The following UBE2H variants were observed in gnomAD, a reference collection of about 807,000 sequenced individuals.
The protein encoded by UBE2H is ubiquitin-conjugating enzyme E2 H.
In UBE2H, 3 loss-of-function variants were observed where a neutral mutation model predicts 29.0. The ratio of observed to expected loss-of-function variants is 0.10; its 90% CI spans 0.05 to 0.27. The LOEUF is 0.27. Among genes scored for constraint, UBE2H ranks in the 10% least tolerant of loss-of-function variants. The pLI is 1.00. For missense variants in UBE2H, 68 were observed against 228.2 expected (o/e 0.30, Z 4.52); for synonymous variants, 69 against 82.9 (o/e 0.83, Z 0.91).
chr7:129,867,724 C>CAAAAAAAAAA (rs1473451530), intron 3 of UBE2H, among the ~76,000 whole-genome samples: 28 of 31,188 alleles, frequency 9.0e-4, no homozygotes, highest in Middle Eastern at 0.02. Context: ...AAAAGAAAAC[C>CAAAAAAAAAA]AAAAAAAAAA....
chr7:129,848,255 A>G (rs1805546599), intron 5 of UBE2H, among the ~76,000 whole-genome samples: 1 of 152,164 alleles, frequency 6.6e-6, no homozygotes, highest in African/African-American at 2.4e-5. Flanking sequence ...ACACATCACT[A>G]TGTACCCCAT....
intron 1 of UBE2H, among the ~76,000 whole-genome samples, chr7:129,885,648 G>C (rs1424164441): frequency 6.6e-6 from 1 of 152,170 alleles, no homozygotes; most frequent in Non-Finnish European, 1.5e-5. Context: ...ATAAATTAAA[G>C]AGTTCTCATA....
intron 6 of UBE2H, among the ~76,000 whole-genome samples, chr7:129,837,141 T>C (rs1342649377): frequency 6.6e-6 from 1 of 152,126 alleles, no homozygotes; most frequent in Non-Finnish European, 1.5e-5. Flanking sequence ...GGGTTGGTGG[T>C]GACTGCCACA....
chr7:129,901,973 A>C (rs1215748711), intron 1 of UBE2H, among the ~76,000 whole-genome samples: 1 of 152,170 alleles, frequency 6.6e-6, no homozygotes, highest in Non-Finnish European at 1.5e-5. Flanking sequence ...GGGAGAGAGA[A>C]GAACAATGTG....
In UBE2H at chr7:129,831,942, A is replaced by G. The variant is rs1443070738; in HGVS notation, c.*2995T>C. 1 of 152,314 alleles carries G rather than the reference A, an allele frequency of 6.6e-6. No individual in the cohort carries two copies. The highest frequency in any genetic ancestry group is 1.9e-4 in the East Asian group (1 of 5,202). The allele number at this position is 152,314 out of a possible 1,614,324, so 9.4% of individuals were successfully genotyped here. On this transcript the variant is annotated 3_prime_UTR_variant, in exon 7 of 7. Transcript: ENST00000355621. ...GAGGATCCAAAAACTATGGGCACTA[A>G]AAAGGGGAGGGAAACCGCCAGAAGT...
intron 1 of UBE2H, chr7:129,948,848 T>C (rs184103008): frequency 3.4e-6 from 1 of 297,454 alleles, no homozygotes; most frequent in South Asian, 2.9e-5. Flanking sequence ...AGGTCAGGTT[T>C]TCCTCTTCTC....
chr7:129,952,462 GC>G (rs768756883), intron 1 of UBE2H, 40 bp downstream of exon 1: 11 of 1,603,008 alleles, frequency 6.9e-6, no homozygotes, highest in Middle Eastern at 1.7e-4. Flanking sequence ...TCCCCACACC[GC>G]CCCCCACACA....
chr7:129,912,076 T>C (rs980802322), intron 1 of UBE2H, among the ~76,000 whole-genome samples: 1 of 152,136 alleles, frequency 6.6e-6, no homozygotes, highest in African/African-American at 2.4e-5. Flanking sequence ...TGAGATAGAA[T>C]TTAAAATGTT....
chr7:129,901,959 G>A (rs893715996), intron 1 of UBE2H, among the ~76,000 whole-genome samples: 75 of 152,274 alleles, frequency 4.9e-4, no homozygotes, highest in Non-Finnish European at 9.8e-4. Context: ...TGGTGGGGGA[G>A]CGGGGGAGAG....
At chr7:129,851,415 T>TA (rs1805607494) in intron 5 of UBE2H, among the ~76,000 whole-genome samples, 1 of 152,228 alleles carries the variant, frequency 6.6e-6, no homozygotes, top group African/African-American at 2.4e-5. Context: ...GCTGTCATAC[T>TA]AAAACTCGCT....
Position 129,926,882 on chromosome 7 carries a change from G to A in UBE2H, c.53+25621C>T, listed in dbSNP as rs1228552753. Among the ~76,000 whole-genome samples the A allele has an allele frequency of 9.2e-5, 14 of 152,078 alleles. No homozygotes were observed. The East Asian group carries it at 9.6e-4, about 10-fold the overall frequency. On this transcript the variant is annotated intron_variant, in intron 1 of 6. Transcript: ENST00000355621. ...ACATAATCTTGGTCACAAACGCCAC[G>A]CTCTAGTACATACTAGTACATATGT...
At chr7:129,931,718 T>C (rs1275092684) in intron 1 of UBE2H, among the ~76,000 whole-genome samples, 1 of 152,178 alleles carries the variant, frequency 6.6e-6, no homozygotes, top group African/African-American at 2.4e-5. Flanking sequence ...CATTTTTTGT[T>C]GATATAATGC....
chr7:129,872,569 C>T (rs1212193750), intron 3 of UBE2H, among the ~76,000 whole-genome samples: 3 of 151,828 alleles, frequency 2.0e-5, no homozygotes, highest in Admixed American at 6.6e-5. Context: ...TGGCTGGGCG[C>T]GGTGGCTCAC....
At chr7:129,924,368 C>A (rs2116476908) in intron 1 of UBE2H, among the ~76,000 whole-genome samples, 1 of 152,252 alleles carries the variant, frequency 6.6e-6, no homozygotes, top group South Asian at 2.1e-4. Context: ...AAATATTTCA[C>A]TGCCACATTT....
At chr7:129,875,736 A>G (rs1298875842) in intron 3 of UBE2H, among the ~76,000 whole-genome samples, 3 of 152,054 alleles carry the variant, frequency 2.0e-5, no homozygotes. Flanking sequence ...GAGATCATTC[A>G]TCTTTATTTC....
intron 1 of UBE2H, among the ~76,000 whole-genome samples, chr7:129,942,413 GGAGGCA>G (rs1563054017): frequency 6.6e-6 from 1 of 152,034 alleles, no homozygotes; most frequent in Non-Finnish European, 1.5e-5. Flanking sequence ...CTTGAACCTG[GGAGGCA>G]GAGGTCGCAG....
intron 1 of UBE2H, among the ~76,000 whole-genome samples, chr7:129,925,346 C>G (rs1327381305): frequency 6.8e-6 from 1 of 147,414 alleles, no homozygotes; most frequent in East Asian, 2.0e-4. Flanking sequence ...GACTCAGTCT[C>G]GAAAAAAAAA....
intron 1 of UBE2H, chr7:129,951,388 T>G (rs56390971): frequency 2.6e-5 from 4 of 151,968 alleles, no homozygotes; most frequent in Admixed American, 6.6e-5. Context: ...ACTTTTAAAC[T>G]GTGTTCCACA....
rs1277792982 is a variant in UBE2H, at chr7:129,947,635, CA to C, written c.53+4867del. Among the ~76,000 whole-genome samples the C allele has an allele frequency of 3.3e-5, 5 of 152,290 alleles. No homozygotes were observed. In the East Asian group the frequency reaches 9.6e-4, roughly 29 times the overall value. ...AGATCCCCATATACATCCTAGCACACAAAATTCATTTTAACCTTTCTATTCC... is the reference window on the plus strand; with the variant it reads ...AGATCCCCATATACATCCTAGCACACAAATTCATTTTAACCTTTCTATTCC... On this transcript the variant is annotated intron_variant, in intron 1 of 6. Coordinates refer to ENST00000355621, the MANE Select transcript of UBE2H (RefSeq NM_003344.4).
Sources: gnomAD v4.1 joint callset for allele counts (sites outside exome capture counted in the v4.1 genomes callset) on GRCh38, gnomAD v4.1.1 for gene constraint, MANE v1.5 for transcripts, NCBI Gene and HGNC (gene_info 2026-07-23, HGNC 2026-07-21) for gene names.